SERPINI1: variants seen among roughly 807,000 people sequenced by gnomAD.
The protein encoded by SERPINI1 is serpin family I member 1.
A neutral mutation model predicts 41.1 loss-of-function variants in SERPINI1; 19 were observed. The ratio of observed to expected loss-of-function variants is 0.46; its 90% confidence interval spans 0.32 to 0.68. SERPINI1 has a LOEUF of 0.68. Ranked by LOEUF, SERPINI1 falls within the 30% of genes least tolerant of loss-of-function variation. The pLI, the probability that SERPINI1 is intolerant of heterozygous loss-of-function variation, is 0.03. For missense variants in SERPINI1, 460 were observed against 479.2 expected (o/e 0.96, Z 0.37); for synonymous variants, 138 against 156.6 (o/e 0.88, Z 0.89).
intron 1 of SERPINI1, among the ~76,000 whole-genome samples, chr3:167,746,003 G>C (rs968290142): frequency 1.3e-5 from 2 of 152,112 alleles, no homozygotes; most frequent in African/African-American, 4.8e-5. Flanking sequence ...TTAATATGCA[G>C]ATTTAATGAA....
At position 167,744,826 on chromosome 3, in the gene SERPINI1, TA is replaced by T. The variant is rs1353433088; in HGVS notation, c.-19+9005del. ...TAATATATAAATATAGTTATATATA[TA>T]ATATATATATTATATATAACTATAG... On this transcript the variant is annotated intron_variant, in intron 1 of 8. Coordinates refer to ENST00000446050, the MANE Select transcript of SERPINI1 (RefSeq NM_001122752.2). 6.7e-5 allele frequency among the ~76,000 whole-genome samples: 8 copies of T among 119,802 alleles called. No homozygotes were observed. In the East Asian group the frequency reaches 1.3e-3, roughly 19 times the overall value. The allele number at this position is 119,802 out of a possible 152,430, so 78.6% of individuals were successfully genotyped here. A position where few individuals can be genotyped will look rare whatever the true frequency, so the allele number is the denominator to read the frequency against.
chr3:167,785,860 G>A (rs1471898601), intron 1 of SERPINI1, among the ~76,000 whole-genome samples: 2 of 152,164 alleles, frequency 1.3e-5, no homozygotes, highest in Non-Finnish European at 2.9e-5. Flanking sequence ...TTGTGTTATT[G>A]ACTGACAGAT....
intron 6 of SERPINI1, among the ~76,000 whole-genome samples, chr3:167,809,017 A>G (rs1197082270): frequency 1.3e-5 from 2 of 152,200 alleles, no homozygotes; most frequent in African/African-American, 2.4e-5. Context: ...AGCCCTAAAC[A>G]CTAATAGAGC....
chr3:167,765,359 G>A lies in SERPINI1; in HGVS notation c.-18-23752G>A, dbSNP rs1005994555. ...GCACTCACAGGCTCAACACCATATG[G>A]TAGCTGCCAAGGCTTGAAGCTTGCA... On this transcript the variant is annotated intron_variant, in intron 1 of 8. Transcript: ENST00000446050. 4.6e-5 allele frequency among the ~76,000 whole-genome samples: 7 copies of A among 152,302 alleles called. No individual in the cohort carries two copies. The South Asian group carries it at 1.5e-3, about 32-fold the overall frequency.
chr3:167,772,864 C>CTCTCTA (rs1374013676), intron 1 of SERPINI1, among the ~76,000 whole-genome samples: 15 of 24,626 alleles, frequency 6.1e-4, no homozygotes, highest in Admixed American at 1.3e-3. Context: ...CTCTCTCTCT[C>CTCTCTA]TATATATATA....
chr3:167,770,781 C>T (rs75643218), intron 1 of SERPINI1, among the ~76,000 whole-genome samples: 1,555 of 152,192 alleles, frequency 0.01, 26 homozygotes, highest in African/African-American at 0.036. Flanking sequence ...AATTTGTTGA[C>T]GTGCATCTCA....
intron 6 of SERPINI1, among the ~76,000 whole-genome samples, chr3:167,812,200 C>G (rs1221530090): frequency 6.6e-6 from 1 of 152,202 alleles, no homozygotes; most frequent in Non-Finnish European, 1.5e-5. Flanking sequence ...TCTATTTTAT[C>G]TGCCACTGCC....
At chr3:167,776,650 C>A (rs551198017) in intron 1 of SERPINI1, among the ~76,000 whole-genome samples, 39 of 152,344 alleles carry the variant, frequency 2.6e-4, no homozygotes, top group African/African-American at 9.1e-4. Context: ...ATCTGTTTAG[C>A]CTACTTCTAG....
At chr3:167,768,524 CT>C (rs973917081) in intron 1 of SERPINI1, among the ~76,000 whole-genome samples, 7 of 152,244 alleles carry the variant, frequency 4.6e-5, no homozygotes, top group Middle Eastern at 3.4e-3. Context: ...AAAAATCTGA[CT>C]TGTGGGTTAA....
At chr3:167,740,596 AT>A (rs1216459385) in intron 1 of SERPINI1, among the ~76,000 whole-genome samples, 1 of 152,248 alleles carries the variant, frequency 6.6e-6, no homozygotes, top group Non-Finnish European at 1.5e-5. Context: ...TTAGTACCAA[AT>A]TCAGCCCTCT....
chr3:167,765,487 G>A (rs750167752), intron 1 of SERPINI1, among the ~76,000 whole-genome samples: 3 of 152,208 alleles, frequency 2.0e-5, no homozygotes, highest in Non-Finnish European at 2.9e-5. Context: ...ACAGCACGGG[G>A]TTCCTGGGCC....
intron 1 of SERPINI1, among the ~76,000 whole-genome samples, chr3:167,766,340 CAAAG>C (rs1471565987): frequency 1.3e-5 from 2 of 151,902 alleles, no homozygotes; most frequent in Non-Finnish European, 2.9e-5. Context: ...TGGCAGCAGG[CAAAG>C]AGAGAGAGAG....
At chr3:167,796,655 G>T (rs1727721568) in intron 5 of SERPINI1, among the ~76,000 whole-genome samples, 1 of 152,044 alleles carries the variant, frequency 6.6e-6, no homozygotes, top group African/African-American at 2.4e-5. Context: ...ATAGCTCCCA[G>T]CTCCATCCAT....
chr3:167,772,966 G>GTATATATA lies in SERPINI1; in HGVS notation c.-18-16144_-18-16143insATATATAT, dbSNP rs1726839293. Among the ~76,000 whole-genome samples the GTATATATA allele has an allele frequency of 3.7e-5, 5 of 133,638 alleles. No individual in the cohort carries two copies. The South Asian group carries it at 1.2e-3, about 31-fold the overall frequency. 87.7% of individuals were successfully genotyped at this position (133,638 alleles called of 152,430 possible). A position where few individuals can be genotyped will look rare whatever the true frequency, so the allele number is the denominator to read the frequency against. On this transcript the variant is annotated intron_variant, in intron 1 of 8. Coordinates refer to ENST00000446050, the MANE Select transcript of SERPINI1 (RefSeq NM_001122752.2). ...TATATACACATATATATGTATATGT[G>GTATATATA]TGTATATATATGTATATATATATAT... is the stretch of plus-strand genomic sequence containing the variant.
At chr3:167,743,562 A>G (rs576344770) in intron 1 of SERPINI1, among the ~76,000 whole-genome samples, 5 of 152,148 alleles carry the variant, frequency 3.3e-5, no homozygotes, top group Non-Finnish European at 7.4e-5. Flanking sequence ...ATGTTACCCT[A>G]GGTGAATGGC....
chr3:167,815,702 C>T (rs1560017685), intron 6 of SERPINI1, among the ~76,000 whole-genome samples: 1 of 151,912 alleles, frequency 6.6e-6, no homozygotes, highest in Non-Finnish European at 1.5e-5. Flanking sequence ...CTTATTTGTC[C>T]ATTTTCTTCT....
intron 1 of SERPINI1, among the ~76,000 whole-genome samples, chr3:167,750,115 C>T (rs1006878427): frequency 6.6e-6 from 1 of 152,164 alleles, no homozygotes. Flanking sequence ...AATTTCGGTG[C>T]TTAAAAAGTA....
chr3:167,788,601 C>T (rs1258581925), intron 1 of SERPINI1, among the ~76,000 whole-genome samples: 1 of 152,150 alleles, frequency 6.6e-6, no homozygotes, highest in Non-Finnish European at 1.5e-5. Context: ...GACTCTGCAA[C>T]CTGGAATGAA....
chr3:167,780,619 G>C (rs576012148), intron 1 of SERPINI1, among the ~76,000 whole-genome samples: 28 of 152,176 alleles, frequency 1.8e-4, no homozygotes, highest in South Asian at 4.1e-4. Flanking sequence ...TTCTATTCTT[G>C]GGTCCTCTGT....
Sources: allele counts gnomAD v4.1 joint callset (sites outside exome capture counted in the v4.1 genomes callset), GRCh38; gene constraint gnomAD v4.1.1; transcripts MANE v1.5; gene names NCBI Gene and HGNC (gene_info 2026-07-23, HGNC 2026-07-21).